TRPM1: variants seen among roughly 807,000 people sequenced by gnomAD.
TRPM1 encodes the protein TRPM1-203 APA Isoform, Intron 10.
A neutral mutation model predicts 149.4 loss-of-function variants in TRPM1; 113 were observed. The ratio of observed to expected loss-of-function variants is 0.76; its 90% CI spans 0.65 to 0.88. The LOEUF (loss-of-function observed/expected upper bound fraction) is 0.88, where lower values mean the gene tolerates loss of function less well. Among genes scored for constraint, TRPM1 ranks in the 40% least tolerant of loss-of-function variants. TRPM1 has a pLI of 0.00. For synonymous variants in TRPM1, 741 were observed against 759.5 expected (o/e 0.98, Z 0.40); for missense variants, 1,976 against 2,038.7 (o/e 0.97, Z 0.59).
At chr15:31,091,908 C>T (rs1410394588) in intron 1 of TRPM1, among the ~76,000 whole-genome samples, 1 of 152,208 alleles carries the variant, frequency 6.6e-6, no homozygotes, top group Non-Finnish European at 1.5e-5. Context: ...CTTTGAATGT[C>T]ACACAAAAAG....
intron 11 of TRPM1, among the ~76,000 whole-genome samples, chr15:31,052,831 T>A (rs912992821): frequency 1.3e-5 from 2 of 152,048 alleles, no homozygotes; most frequent in African/African-American, 4.8e-5. Flanking sequence ...AGGGCAAAAA[T>A]ATCACTATAT....
intron 3 of TRPM1, among the ~76,000 whole-genome samples, chr15:31,070,984 G>A (rs535743861): frequency 1.3e-5 from 2 of 152,256 alleles, no homozygotes; most frequent in East Asian, 1.9e-4. Context: ...GCCATAACCC[G>A]CCCCAGCATC....
At chr15:31,160,912 C>A (rs773046362) in exon 1 of TRPM1, 18 of 1,535,396 alleles carry the variant, frequency 1.2e-5, no homozygotes, top group Admixed American at 3.9e-5. Context: ...TCACCTTCTG[C>A]GACCCTGATG....
intron 23 of TRPM1, among the ~76,000 whole-genome samples, chr15:31,030,604 G>A (rs944832911): frequency 6.6e-6 from 1 of 152,162 alleles, no homozygotes; most frequent in Non-Finnish European, 1.5e-5. Context: ...AGAGGATGGT[G>A]GGAAGTATCA....
chr15:31,148,729 A>G (rs1213917281), intron 1 of TRPM1, among the ~76,000 whole-genome samples: 1 of 152,090 alleles, frequency 6.6e-6, no homozygotes, highest in Non-Finnish European at 1.5e-5. Flanking sequence ...TAGTCACCTT[A>G]CCCCCTAGCA....
chr15:31,108,293 G>T (rs2035637125), intron 1 of TRPM1, among the ~76,000 whole-genome samples: 1 of 152,130 alleles, frequency 6.6e-6, no homozygotes, highest in South Asian at 2.1e-4. Flanking sequence ...CTAGAGAATG[G>T]TCCATGTGCA....
At chr15:31,132,498 G>T (rs2036030069) in intron 1 of TRPM1, among the ~76,000 whole-genome samples, 1 of 152,226 alleles carries the variant, frequency 6.6e-6, no homozygotes, top group South Asian at 2.1e-4. Context: ...TGTCTCTTTT[G>T]TTTGTCGCTG....
intron 2 of TRPM1, among the ~76,000 whole-genome samples, chr15:31,077,394 G>T (rs1159711488): frequency 6.6e-6 from 1 of 152,142 alleles, no homozygotes; most frequent in Non-Finnish European, 1.5e-5. Context: ...AGGCCCTGCT[G>T]GTGCTGGATG....
intron 1 of TRPM1, among the ~76,000 whole-genome samples, chr15:31,083,251 G>A (rs1438341472): frequency 6.6e-6 from 1 of 152,204 alleles, no homozygotes; most frequent in Non-Finnish European, 1.5e-5. Flanking sequence ...CTTGTTTTGT[G>A]TATATATTTA....
intron 10 of TRPM1, 82 bp downstream of exon 10, chr15:31,061,360 A>G: frequency 7.3e-7 from 1 of 1,373,222 alleles, no homozygotes; most frequent in Non-Finnish European, 1.0e-6. Context: ...CAGCAGACAT[A>G]GTCCATGGGA....
At chr15:31,121,056 A>G (rs12915482) in intron 1 of TRPM1, among the ~76,000 whole-genome samples, 120,943 of 151,710 alleles carry the variant, frequency 0.8, 48,296 homozygotes, top group Middle Eastern at 0.82. Context: ...GTGAAACCCC[A>G]TCTCTACTAA....
intron 1 of TRPM1, among the ~76,000 whole-genome samples, chr15:31,123,139 G>A (rs2035902146): frequency 6.6e-6 from 1 of 152,132 alleles, no homozygotes; most frequent in African/African-American, 2.4e-5. Flanking sequence ...AGATCCACAT[G>A]GAAATAAATG....
intron 1 of TRPM1, among the ~76,000 whole-genome samples, chr15:31,125,106 C>T (rs548723564): frequency 9.2e-5 from 14 of 151,842 alleles, no homozygotes; most frequent in African/African-American, 1.9e-4. Context: ...ACCTGGGAGG[C>T]GGAGGAGGTT....
chr15:31,071,094 G>A (rs2034525508), intron 3 of TRPM1, among the ~76,000 whole-genome samples: 1 of 152,124 alleles, frequency 6.6e-6, no homozygotes, highest in African/African-American at 2.4e-5. Context: ...CATGTTCCCT[G>A]GCTTTGTGCC....
chr15:31,089,638 G>A (rs2035167962), intron 1 of TRPM1, among the ~76,000 whole-genome samples: 2 of 152,188 alleles, frequency 1.3e-5, no homozygotes, highest in African/African-American at 2.4e-5. Context: ...TTGATGAGAC[G>A]GGTCCAGGCC....
At chr15:31,116,428 C>A (rs139353091) in intron 1 of TRPM1, among the ~76,000 whole-genome samples, 1 of 151,834 alleles carries the variant, frequency 6.6e-6, no homozygotes, top group Non-Finnish European at 1.5e-5. Flanking sequence ...GCCAACACGG[C>A]GAAACCCCAT....
chr15:31,010,491 G>A (rs2032145078), intron 27 of TRPM1, among the ~76,000 whole-genome samples: 1 of 152,078 alleles, frequency 6.6e-6, no homozygotes, highest in Admixed American at 6.5e-5. Context: ...TGTTCGCCTT[G>A]AAGTATTTTC....
At chr15:31,132,867 G>T (rs1178374021) in intron 1 of TRPM1, among the ~76,000 whole-genome samples, 1 of 152,148 alleles carries the variant, frequency 6.6e-6, no homozygotes, top group Non-Finnish European at 1.5e-5. Flanking sequence ...ACTCTCTCTT[G>T]CCTGCTGCTA....
At chr15:31,098,014 A>G (rs2035429057) in intron 1 of TRPM1, among the ~76,000 whole-genome samples, 1 of 152,262 alleles carries the variant, frequency 6.6e-6, no homozygotes, top group African/African-American at 2.4e-5. Context: ...ATTGTGTTAA[A>G]TGAATTATAG....
Sources: allele counts gnomAD v4.1 joint callset (sites outside exome capture counted in the v4.1 genomes callset), GRCh38; gene constraint gnomAD v4.1.1; transcripts MANE v1.5; gene names NCBI Gene and HGNC (gene_info 2026-07-23, HGNC 2026-07-21).